RCAN2: variants seen among roughly 807,000 people sequenced by gnomAD.
RCAN2 encodes regulator of calcineurin 2, also known as calcipressin-2.
Under a neutral mutation model 23.6 loss-of-function variants are expected in RCAN2, and 9 were observed. The observed-to-expected ratio is 0.38, with a 90% CI of 0.23 to 0.67. The LOEUF (loss-of-function observed/expected upper bound fraction) is 0.67, where lower values mean the gene tolerates loss of function less well. RCAN2 is among the 30% of genes least tolerant of loss of function. The probability of loss-of-function intolerance (pLI) is 0.51; values close to 1 mark genes in which losing one functional copy is unlikely to be tolerated. For synonymous variants in RCAN2, 109 were observed against 115.7 expected, an observed-to-expected ratio of 0.94 and a Z score of 0.37; for missense variants, 273 against 302.3, an observed-to-expected ratio of 0.90 and a Z score of 0.72.
chr6:46,268,762 T>C (rs1218349036), intron 2 of RCAN2, among the ~76,000 whole-genome samples: 1 of 152,202 alleles, frequency 6.6e-6, no homozygotes, highest in African/African-American at 2.4e-5. Flanking sequence ...CCTTGTTTTG[T>C]CTTTGGAAGC....
chr6:46,377,312 GAGCCT>G (rs1257369923), intron 2 of RCAN2, among the ~76,000 whole-genome samples: 3 of 152,184 alleles, frequency 2.0e-5, no homozygotes, highest in African/African-American at 7.2e-5. Flanking sequence ...CTCCTCCAAA[GAGCCT>G]AGCAGAAACT....
intron 2 of RCAN2, among the ~76,000 whole-genome samples, chr6:46,455,705 A>C (rs1767999978): frequency 6.6e-6 from 1 of 151,856 alleles, no homozygotes; most frequent in African/African-American, 2.4e-5. Context: ...AAATACAAAA[A>C]ATTAGCTGGG....
At chr6:46,357,400 G>A (rs943743093) in intron 2 of RCAN2, among the ~76,000 whole-genome samples, 12 of 152,306 alleles carry the variant, frequency 7.9e-5, no homozygotes, top group African/African-American at 2.9e-4. Context: ...TGAAAATCAG[G>A]TCTTAGATAT....
chr6:46,265,700 C>A (rs1392701086), intron 2 of RCAN2, among the ~76,000 whole-genome samples: 1 of 152,140 alleles, frequency 6.6e-6, no homozygotes. Flanking sequence ...GCCTTCTCTG[C>A]AGTTCTCAGC....
At chr6:46,325,556 T>C in intron 2 of RCAN2, 1 of 1,590,676 alleles carries the variant, frequency 6.3e-7, no homozygotes, top group South Asian at 1.1e-5. Context: ...CAGATGGATA[T>C]TGCTGTGGCC....
chr6:46,487,850 A>G (rs757548017), intron 1 of RCAN2, among the ~76,000 whole-genome samples: 2 of 152,224 alleles, frequency 1.3e-5, no homozygotes, highest in Admixed American at 6.5e-5. Flanking sequence ...CCTCTAAGTG[A>G]CCAGACAGGT....
chr6:46,365,326 A>G (rs1313358047), intron 2 of RCAN2, among the ~76,000 whole-genome samples: 1 of 151,862 alleles, frequency 6.6e-6, no homozygotes, highest in Non-Finnish European at 1.5e-5. Context: ...AAATACAACA[A>G]TTAGCTGGGC....
chr6:46,326,188 T>A (rs768503555), intron 2 of RCAN2, among the ~76,000 whole-genome samples: 4 of 152,046 alleles, frequency 2.6e-5, no homozygotes, highest in Non-Finnish European at 4.4e-5. Flanking sequence ...GAGGAGATAA[T>A]TAGAGGTTTG....
chr6:46,370,281 A>G (rs1765291040), intron 2 of RCAN2, among the ~76,000 whole-genome samples: 1 of 152,160 alleles, frequency 6.6e-6, no homozygotes, highest in Non-Finnish European at 1.5e-5. Context: ...CACGTGCATC[A>G]TTCAGACTCC....
At chr6:46,264,624 C>T (rs1767258119) in intron 2 of RCAN2, among the ~76,000 whole-genome samples, 1 of 152,036 alleles carries the variant, frequency 6.6e-6, no homozygotes, top group African/African-American at 2.4e-5. Flanking sequence ...TGTTTCAACC[C>T]ATCACAGATT....
chr6:46,354,893 ATATATGTG>A (rs1764775870), intron 2 of RCAN2, among the ~76,000 whole-genome samples: 1 of 132,238 alleles, frequency 7.6e-6, no homozygotes, highest in Non-Finnish European at 1.6e-5. Context: ...GAAAAAGATT[ATATATGTG>A]TGTGTGTGTG....
At chr6:46,475,614 C>G (rs931469195) in intron 1 of RCAN2, among the ~76,000 whole-genome samples, 2 of 152,148 alleles carry the variant, frequency 1.3e-5, no homozygotes, top group Admixed American at 1.3e-4. Flanking sequence ...ATAGTCACTT[C>G]TCTCCCTCCA....
At chr6:46,416,207 T>C (rs1766712228) in intron 2 of RCAN2, among the ~76,000 whole-genome samples, 1 of 151,984 alleles carries the variant, frequency 6.6e-6, no homozygotes, top group East Asian at 1.9e-4. Context: ...ATCGATTAAG[T>C]AAGATTTTGT....
chr6:46,306,985 G>C (rs1191972296), intron 2 of RCAN2, among the ~76,000 whole-genome samples: 2 of 152,122 alleles, frequency 1.3e-5, no homozygotes, highest in African/African-American at 4.8e-5. Context: ...ATCTAGAACA[G>C]AGCCTGGCAA....
chr6:46,451,412 A>C (rs1228306102), intron 2 of RCAN2, among the ~76,000 whole-genome samples: 1 of 152,192 alleles, frequency 6.6e-6, no homozygotes, highest in African/African-American at 2.4e-5. Flanking sequence ...GCCTCTTATC[A>C]GTTCAGGTCA....
intron 2 of RCAN2, among the ~76,000 whole-genome samples, chr6:46,438,904 C>A (rs534009492): frequency 6.6e-6 from 1 of 152,162 alleles, no homozygotes; most frequent in South Asian, 2.1e-4. Flanking sequence ...TTGATTGCTG[C>A]AGTACTCTTT....
chr6:46,372,516 G>A (rs1223701803), intron 2 of RCAN2, among the ~76,000 whole-genome samples: 2 of 152,094 alleles, frequency 1.3e-5, no homozygotes, highest in Admixed American at 6.6e-5. Context: ...ACCAGCTCAG[G>A]GACTCCTCTT....
At chr6:46,371,481 C>A (rs1226005108) in intron 2 of RCAN2, among the ~76,000 whole-genome samples, 1 of 152,190 alleles carries the variant, frequency 6.6e-6, no homozygotes, top group Non-Finnish European at 1.5e-5. Flanking sequence ...ACATCATGAG[C>A]AACTTGTAGA....
chr6:46,324,942 A>G (rs546988237), intron 2 of RCAN2, among the ~76,000 whole-genome samples: 42 of 152,336 alleles, frequency 2.8e-4, no homozygotes, highest in African/African-American at 9.4e-4. Flanking sequence ...TAATTTGAAG[A>G]CCACATCACA....
Sources: gnomAD v4.1 joint callset for allele counts (sites outside exome capture counted in the v4.1 genomes callset) on GRCh38, gnomAD v4.1.1 for gene constraint, MANE v1.5 for transcripts, NCBI Gene and HGNC (gene_info 2026-07-23, HGNC 2026-07-21) for gene names.